The following LSM14A variants were observed in gnomAD, a reference collection of about 807,000 sequenced individuals.
The protein encoded by LSM14A is LSM14A mRNA processing body assembly factor.
In LSM14A, 14 loss-of-function variants were observed where a neutral mutation model predicts 52.4. The observed-to-expected ratio is 0.27, with a 90% CI of 0.18 to 0.42. LSM14A has a LOEUF of 0.42. LSM14A is among the 10% of genes least tolerant of loss of function. The pLI is 1.00. For missense variants in LSM14A, 417 were observed against 581.8 expected, an observed-to-expected ratio of 0.72 and a Z score of 2.91; for synonymous variants, 185 against 200.3, an observed-to-expected ratio of 0.92 and a Z score of 0.64.
rs1392214530 is a variant in LSM14A, at chr19:34,228,073, A to G, written c.*685A>G. The G allele has an allele frequency of 6.6e-6, 1 of 152,624 alleles. No homozygotes were observed. Among genetic ancestry groups the G allele is most frequent in the Admixed American group, 6.6e-5 (1 of 15,264 alleles). 9.5% of individuals were successfully genotyped at this position (152,624 alleles called of 1,614,324 possible). A position where few individuals can be genotyped will look rare whatever the true frequency, so the allele number is the denominator to read the frequency against. On this transcript the variant is annotated 3_prime_UTR_variant, in exon 10 of 10. Transcript: ENST00000544216. ...ATAAAAAGCAACTAATTTTTTAAAG[A>G]ATAAACATTTTAAAGTCAGCAAACA...
At chr19:34,187,636 C>G (rs1040675859) in intron 1 of LSM14A, among the ~76,000 whole-genome samples, 3 of 152,084 alleles carry the variant, frequency 2.0e-5, no homozygotes, top group Non-Finnish European at 4.4e-5. Context: ...CTTCACTTAA[C>G]TATGTATTTT....
intron 3 of LSM14A, among the ~76,000 whole-genome samples, chr19:34,205,036 G>A (rs748955829): frequency 3.3e-5 from 5 of 152,166 alleles, no homozygotes; most frequent in Admixed American, 1.3e-4. Context: ...GGAGGCGGAG[G>A]CAGGAGAATC....
At chr19:34,187,329 A>G (rs2069997467) in intron 1 of LSM14A, among the ~76,000 whole-genome samples, 1 of 148,326 alleles carries the variant, frequency 6.7e-6, no homozygotes, top group Admixed American at 6.7e-5. Flanking sequence ...CTGAGGCTGT[A>G]GTGTAGTGGT....
chr19:34,191,302 C>T (rs1175266253), intron 1 of LSM14A, among the ~76,000 whole-genome samples: 1 of 151,858 alleles, frequency 6.6e-6, no homozygotes, highest in Non-Finnish European at 1.5e-5. Flanking sequence ...CAGAAAATTT[C>T]TTCTATTTTC....
intron 3 of LSM14A, among the ~76,000 whole-genome samples, chr19:34,199,972 A>AC (rs1491279033): frequency 2.6e-5 from 4 of 152,226 alleles, no homozygotes; most frequent in African/African-American, 9.6e-5. Context: ...TACCCTTGTA[A>AC]CACAGACATC....
At chr19:34,210,690 T>C (rs2072074091) in intron 4 of LSM14A, among the ~76,000 whole-genome samples, 2 of 152,106 alleles carry the variant, frequency 1.3e-5, no homozygotes, top group South Asian at 2.1e-4. Context: ...AGCCTCTACC[T>C]CCTGAGCTCA....
chr19:34,181,265 C>A (rs1449563119), intron 1 of LSM14A, among the ~76,000 whole-genome samples: 2 of 152,144 alleles, frequency 1.3e-5, no homozygotes, highest in Non-Finnish European at 2.9e-5. Flanking sequence ...GCAGTTATTT[C>A]TTCTACCTTA....
At chr19:34,179,389 T>A (rs2069311024) in intron 1 of LSM14A, among the ~76,000 whole-genome samples, 1 of 152,234 alleles carries the variant, frequency 6.6e-6, no homozygotes, top group Admixed American at 6.5e-5. Context: ...TTATTTGATT[T>A]CTTGCATTAC....
intron 1 of LSM14A, among the ~76,000 whole-genome samples, chr19:34,185,653 T>C (rs1188779937): frequency 6.6e-6 from 1 of 152,228 alleles, no homozygotes; most frequent in Non-Finnish European, 1.5e-5. Context: ...TGGTGCTTTT[T>C]AGTATTTAAG....
chr19:34,204,548 C>CAA lies in LSM14A; in HGVS notation c.416-4366_416-4365dup, dbSNP rs34920125. ...GGAACATAGGGAGACCTTGTCTCTG[C>CAA]AAAAAAAAAAAAAAAATTTAAGTAG... On this transcript the variant is annotated intron_variant, in intron 3 of 9. Transcript: ENST00000544216. 7.1e-3 allele frequency among the ~76,000 whole-genome samples: 876 copies of CAA among 123,374 alleles called. 12 individuals carry two copies. The highest frequency in any genetic ancestry group is 0.023 in the African/African-American group (752 of 33,374). The allele number at this position is 123,374 out of a possible 152,430, so 80.9% of individuals were successfully genotyped here. A position where few individuals can be genotyped will look rare whatever the true frequency, so the allele number is the denominator to read the frequency against.
intron 6 of LSM14A, among the ~76,000 whole-genome samples, chr19:34,218,013 T>C (rs1269525523): frequency 2.9e-4 from 35 of 121,452 alleles, no homozygotes; most frequent in South Asian, 2.5e-3. Context: ...TTTTTTTTTT[T>C]TCCCCCTGGA....
Position 34,214,882 on chromosome 19 carries a change from G to A in LSM14A, c.539-242G>A, listed in dbSNP as rs567582554. Among the ~76,000 whole-genome samples, 8 of 151,514 alleles carry A rather than the reference G, an allele frequency of 5.3e-5. No individual in the cohort carries two copies. The South Asian group carries it at 1.5e-3, about 28-fold the overall frequency. On this transcript the variant is annotated intron_variant, in intron 4 of 9. Coordinates refer to ENST00000544216, the MANE Select transcript of LSM14A (RefSeq NM_015578.4). ...GAAATAACAGATAAAATTGTGAGGG[G>A]GAGGGAGTTGTTTTGAAGCTGTTGA...
intron 1 of LSM14A, among the ~76,000 whole-genome samples, chr19:34,173,023 C>G (rs371076374): frequency 6.6e-6 from 1 of 152,234 alleles, no homozygotes; most frequent in African/African-American, 2.4e-5. Flanking sequence ...CCCTGAAGTC[C>G]GAGAACGGGC....
At chr19:34,208,870 A>G in intron 3 of LSM14A, 59 bp from the exon 4 acceptor site, 1 of 1,228,892 alleles carries the variant, frequency 8.1e-7, no homozygotes. Flanking sequence ...ACTTTATATC[A>G]TTGAATAATG....
At chr19:34,198,062 TA>T (rs536374198) in intron 3 of LSM14A, among the ~76,000 whole-genome samples, 2,872 of 145,580 alleles carry the variant, frequency 0.02, 37 homozygotes, top group South Asian at 0.038. Context: ...AGCTCAAGTG[TA>T]AAAAAAAAAA....
rs1568498303 is a variant in LSM14A at position 34,217,615 on chromosome 19, CCGTGT to C, written c.782-1775_782-1771del. On this transcript the variant is annotated intron_variant, in intron 6 of 9. Transcript: ENST00000544216. ...ATATATATTTTTATATCCCCCCCCCCCGTGTTTTTTTTTTTTTTTTTTTTTTTTTT... is the reference window on the plus strand; with the variant it reads ...ATATATATTTTTATATCCCCCCCCCCTTTTTTTTTTTTTTTTTTTTTTTTT... 1.2e-4 allele frequency among the ~76,000 whole-genome samples: 3 copies of C among 25,516 alleles called. 1 individual carries two copies. The highest frequency in any genetic ancestry group is 4.1e-4 in the African/African-American group (2 of 4,854). The allele number at this position is 25,516 out of a possible 152,430, so 16.7% of individuals were successfully genotyped here.
chr19:34,173,587 T>C (rs529264163), intron 1 of LSM14A, among the ~76,000 whole-genome samples: 2 of 152,310 alleles, frequency 1.3e-5, no homozygotes, highest in Admixed American at 1.3e-4. Flanking sequence ...TGTTAATATT[T>C]GGCATCCCTA....
intron 6 of LSM14A, among the ~76,000 whole-genome samples, chr19:34,216,847 G>A (rs963711202): frequency 2.0e-5 from 3 of 152,138 alleles, no homozygotes; most frequent in Non-Finnish European, 4.4e-5. Context: ...TTCTACTTTT[G>A]TGGTTTTTAT....
rs777980915 is a variant in LSM14A at position 34,208,920 on chromosome 19, C to G, written c.416-9C>G. 2.6e-6 allele frequency: 4 copies of G among 1,554,762 alleles called. No individual in the cohort carries two copies. Among genetic ancestry groups the G allele is most frequent in the Non-Finnish European group, 3.5e-6 (4 of 1,152,686 alleles). On this transcript the variant is annotated splice_polypyrimidine_tract_variant and intron_variant, in intron 3 of 9. Transcript: ENST00000544216. The stretch of plus-strand genomic sequence containing the variant: ...AAATTTTTTTATCATTTAAAAACAT[C>G]TCTTTAAGCTGGAAGCTCTTTGACA...
Sources: allele counts gnomAD v4.1 joint callset (sites outside exome capture counted in the v4.1 genomes callset), GRCh38; gene constraint gnomAD v4.1.1; transcripts MANE v1.5; gene names NCBI Gene and HGNC (gene_info 2026-07-23, HGNC 2026-07-21).